The following CSMD1 variants were observed in gnomAD, a reference collection of about 807,000 sequenced individuals.
The protein encoded by CSMD1 is CUB and Sushi multiple domains 1, also known as CUB and sushi domain-containing protein 1.
In CSMD1, 213 loss-of-function variants were observed where a neutral mutation model predicts 417.5. That is an observed-to-expected ratio of 0.51 (90% CI 0.46 to 0.57). CSMD1 has a LOEUF of 0.57. CSMD1 is among the 20% of genes least tolerant of loss of function. The pLI, the probability that CSMD1 is intolerant of heterozygous loss-of-function variation, is 0.00. For missense variants in CSMD1, 6,923 were observed against 4,529.7 expected (o/e 1.53, Z -15.17); for synonymous variants, 2,862 against 1,736.8 (o/e 1.65, Z -16.11).
chr8:3,587,891 A>T (rs957779503), intron 8 of CSMD1, among the ~76,000 whole-genome samples: 1 of 152,116 alleles, frequency 6.6e-6, no homozygotes, highest in African/African-American at 2.4e-5. Flanking sequence ...ATTTTGAGAA[A>T]CCCGGCATCA....
chr8:2,945,581 T>C (rs1802171581), intron 68 of CSMD1, among the ~76,000 whole-genome samples: 1 of 152,192 alleles, frequency 6.6e-6, no homozygotes, highest in South Asian at 2.1e-4. Context: ...TGTTGCTACA[T>C]CCTACCTAAT....
At chr8:4,032,845 G>T (rs1029024351) in intron 3 of CSMD1, among the ~76,000 whole-genome samples, 2 of 152,116 alleles carry the variant, frequency 1.3e-5, no homozygotes, top group African/African-American at 2.4e-5. Flanking sequence ...CTCAGCCAGG[G>T]TGATTCCAAA....
At chr8:4,491,080 CATGAG>C (rs772437509) in intron 2 of CSMD1, among the ~76,000 whole-genome samples, 5 of 152,118 alleles carry the variant, frequency 3.3e-5, no homozygotes, top group Non-Finnish European at 7.4e-5. Context: ...CCTAATAAGA[CATGAG>C]CTATTAATGG....
At chr8:4,370,583 T>G (rs1802339038) in intron 3 of CSMD1, among the ~76,000 whole-genome samples, 1 of 152,218 alleles carries the variant, frequency 6.6e-6, no homozygotes, top group African/African-American at 2.4e-5. Flanking sequence ...ATGAGTTGTG[T>G]TTGGTCTCTT....
intron 26 of CSMD1, among the ~76,000 whole-genome samples, chr8:3,269,886 T>G (rs13274061): frequency 2.6e-5 from 4 of 151,734 alleles, no homozygotes; most frequent in Non-Finnish European, 4.4e-5. Flanking sequence ...CATGAGCCTC[T>G]AAAGCTCCTT....
At chr8:3,801,990 A>T (rs1429347811) in intron 5 of CSMD1, among the ~76,000 whole-genome samples, 1 of 152,134 alleles carries the variant, frequency 6.6e-6, no homozygotes, top group Non-Finnish European at 1.5e-5. Flanking sequence ...GGGTGATGAA[A>T]ATATTCTAAA....
At chr8:3,474,667 T>C (rs1234716625) in intron 11 of CSMD1, among the ~76,000 whole-genome samples, 3 of 152,212 alleles carry the variant, frequency 2.0e-5, no homozygotes, top group Non-Finnish European at 4.4e-5. Context: ...AAGGGGAAAT[T>C]GGTTTTGGTA....
intron 8 of CSMD1, among the ~76,000 whole-genome samples, chr8:3,615,152 C>G (rs749052259): frequency 2.0e-5 from 3 of 152,186 alleles, no homozygotes; most frequent in Non-Finnish European, 4.4e-5. Context: ...ACACCACACT[C>G]ACTGCATTGC....
At chr8:2,943,565 T>C (rs1802031575) in intron 68 of CSMD1, among the ~76,000 whole-genome samples, 1 of 152,118 alleles carries the variant, frequency 6.6e-6, no homozygotes. Flanking sequence ...GGAAGGCAAA[T>C]GTGAATACTT....
At chr8:3,434,660 TCCA>T (rs1814431223) in intron 12 of CSMD1, among the ~76,000 whole-genome samples, 1 of 152,192 alleles carries the variant, frequency 6.6e-6, no homozygotes, top group Non-Finnish European at 1.5e-5. Context: ...ATCTGATCTC[TCCA>T]CCTTTTCTCC....
chr8:3,905,039 G>A (rs780348240), intron 5 of CSMD1, among the ~76,000 whole-genome samples: 1 of 152,250 alleles, frequency 6.6e-6, no homozygotes, highest in Middle Eastern at 3.4e-3. Flanking sequence ...ACTGGTGACT[G>A]ATTTTCTCTG....
At chr8:3,558,246 C>G (rs1044936404) in intron 10 of CSMD1, among the ~76,000 whole-genome samples, 1 of 150,268 alleles carries the variant, frequency 6.7e-6, no homozygotes, top group African/African-American at 2.5e-5. Context: ...AATAGTGCCT[C>G]AATAGTACCC....
intron 3 of CSMD1, among the ~76,000 whole-genome samples, chr8:4,185,021 C>T (rs1320970530): frequency 6.6e-6 from 1 of 151,178 alleles, no homozygotes; most frequent in Non-Finnish European, 1.5e-5. Context: ...TGCCTTTAAT[C>T]CCAGCTACTT....
chr8:2,994,350 T>A (rs927214706), intron 54 of CSMD1, among the ~76,000 whole-genome samples: 1 of 152,030 alleles, frequency 6.6e-6, no homozygotes, highest in African/African-American at 2.4e-5. Flanking sequence ...CAGAGTAACA[T>A]TGCCTTGCAG....
intron 3 of CSMD1, among the ~76,000 whole-genome samples, chr8:4,208,152 A>G (rs893965652): frequency 6.6e-6 from 1 of 152,188 alleles, no homozygotes; most frequent in Non-Finnish European, 1.5e-5. Flanking sequence ...ATATCCAAAC[A>G]TATTGTGGAG....
chr8:4,682,499 AG>A (rs537693202), intron 1 of CSMD1, among the ~76,000 whole-genome samples: 84 of 152,300 alleles, frequency 5.5e-4, no homozygotes, highest in African/African-American at 1.9e-3. Context: ...TGAAAGATAC[AG>A]GAAAAAGAAT....
intron 23 of CSMD1, among the ~76,000 whole-genome samples, chr8:3,326,849 A>T (rs1806562999): frequency 6.6e-6 from 1 of 152,188 alleles, no homozygotes; most frequent in Non-Finnish European, 1.5e-5. Context: ...CAGGATTCTT[A>T]CAAGGTGTAA....
intron 2 of CSMD1, among the ~76,000 whole-genome samples, chr8:4,448,596 T>C (rs913726015): frequency 6.6e-6 from 1 of 152,180 alleles, no homozygotes; most frequent in Admixed American, 6.5e-5. Context: ...AATTTTAAAG[T>C]CTTAGTATCA....
chr8:4,567,033 C>T lies in CSMD1; in HGVS notation c.302+70309G>A, dbSNP rs1447736895. On this transcript the variant is annotated intron_variant, in intron 2 of 69. Coordinates refer to ENST00000635120, the MANE Select transcript of CSMD1 (RefSeq NM_033225.6). The stretch of plus-strand genomic sequence containing the variant: ...ATTTTTCAAGGTATTAACTGGCGTC[C>T]TACGGAGAAGTATTTGAAAAGGGGG... 6.6e-5 allele frequency among the ~76,000 whole-genome samples: 10 copies of T among 152,228 alleles called. 1 individual carries two copies. The East Asian group carries it at 1.9e-3, about 29-fold the overall frequency.
Sources: allele counts gnomAD v4.1 joint callset (sites outside exome capture counted in the v4.1 genomes callset), GRCh38; gene constraint gnomAD v4.1.1; transcripts MANE v1.5; gene names NCBI Gene and HGNC (gene_info 2026-07-23, HGNC 2026-07-21).